The following EIF4H variants were observed in gnomAD, a reference collection of about 807,000 sequenced individuals.
EIF4H encodes Williams-Beuren syndrome chromosome region 1.
Under a neutral mutation model 30.6 loss-of-function variants are expected in EIF4H, and 8 were observed. That is an observed-to-expected ratio of 0.26 (90% CI 0.15 to 0.47). The LOEUF (loss-of-function observed/expected upper bound fraction) is 0.47. EIF4H is among the 20% of genes least tolerant of loss of function. The probability of loss-of-function intolerance (pLI) is 0.99; values close to 1 mark genes in which losing one functional copy is unlikely to be tolerated. For missense variants in EIF4H, 188 were observed against 339.5 expected (o/e 0.55, Z 3.51); for synonymous variants, 106 against 122.7 (o/e 0.86, Z 0.90).
chr7:74,178,055 C>T (rs1042451643), intron 1 of EIF4H, among the ~76,000 whole-genome samples: 5 of 152,130 alleles, frequency 3.3e-5, no homozygotes, highest in Admixed American at 1.3e-4. Flanking sequence ...ATCCTCCCAC[C>T]TCAGCCTCCC....
chr7:74,183,819 A>G (rs1027142264), intron 1 of EIF4H: 1 of 152,142 alleles, frequency 6.6e-6, no homozygotes, highest in Non-Finnish European at 1.5e-5. Flanking sequence ...GTCTCAAGTG[A>G]CTGTCACACA....
intron 1 of EIF4H, among the ~76,000 whole-genome samples, chr7:74,179,948 G>T (rs1800922046): frequency 6.6e-6 from 1 of 152,142 alleles, no homozygotes; most frequent in African/African-American, 2.4e-5. Flanking sequence ...AGGTGCTGTG[G>T]CTCATGTCTG....
Position 74,182,020 on chromosome 7 carries a change from C to G in EIF4H, c.60-5591C>G, listed in dbSNP as rs79223765. ...GTGAGCCACCACACCCGGCCTCTTACATACTTTTCATACTTGAGTATGTTT... is the reference window on the plus strand; with the variant it reads ...GTGAGCCACCACACCCGGCCTCTTAGATACTTTTCATACTTGAGTATGTTT... On this transcript the variant is annotated intron_variant, in intron 1 of 6. Transcript: ENST00000265753. Among the ~76,000 whole-genome samples, 585 of 152,254 alleles carry G rather than the reference C, an allele frequency of 3.8e-3. 2 individuals are homozygous for G. The highest frequency in any genetic ancestry group is 6.5e-3 in the Non-Finnish European group (439 of 68,014).
At chr7:74,177,058 A>G (rs1800857604) in intron 1 of EIF4H, among the ~76,000 whole-genome samples, 1 of 152,228 alleles carries the variant, frequency 6.6e-6, no homozygotes, top group Non-Finnish European at 1.5e-5. Context: ...AAATGGTGCC[A>G]TCTAAAAACT....
At chr7:74,192,609 G>C (rs1554710111) in intron 5 of EIF4H, among the ~76,000 whole-genome samples, 1 of 150,350 alleles carries the variant, frequency 6.7e-6, no homozygotes, top group African/African-American at 2.5e-5. Context: ...TGCTGCTCCT[G>C]TGTGCTACAG....
chr7:74,184,344 C>A (rs576856104), intron 1 of EIF4H, among the ~76,000 whole-genome samples: 9 of 152,132 alleles, frequency 5.9e-5, no homozygotes, highest in Non-Finnish European at 8.8e-5. Context: ...AATTAGCAAG[C>A]CTTCGCACCT....
chr7:74,195,411 T>C lies in EIF4H; in HGVS notation c.*103T>C, dbSNP rs1487704403. 8.2e-6 allele frequency: 11 copies of C among 1,343,740 alleles called. No individual in the cohort carries two copies. Among genetic ancestry groups the C allele is most frequent in the South Asian group, 1.5e-5 (1 of 68,212 alleles). The allele number at this position is 1,343,740 out of a possible 1,614,324, so 83.2% of individuals were successfully genotyped here. A position where few individuals can be genotyped will look rare whatever the true frequency, so the allele number is the denominator to read the frequency against. ...GCAGCCGCCACTCCTGCGCCTGCCA[T>C]TGGCCTCCTCACAGCGGAAACACAG... On this transcript the variant is annotated 3_prime_UTR_variant, in exon 7 of 7. Coordinates refer to ENST00000265753, the MANE Select transcript of EIF4H (RefSeq NM_022170.2).
chr7:74,179,958 G>A (rs1462913355), intron 1 of EIF4H, among the ~76,000 whole-genome samples: 4 of 152,200 alleles, frequency 2.6e-5, no homozygotes, highest in African/African-American at 9.7e-5. Flanking sequence ...GCTCATGTCT[G>A]TAATCCCAAC....
chr7:74,189,767 G>A (rs1554709632), intron 3 of EIF4H, 30 bp downstream of exon 3: 2 of 1,614,074 alleles, frequency 1.2e-6, no homozygotes, highest in African/African-American at 2.7e-5. Flanking sequence ...CTCTGTCATA[G>A]CAGTTGAGAT....
intron 1 of EIF4H, among the ~76,000 whole-genome samples, chr7:74,182,753 C>T (rs374776849): frequency 1.8e-4 from 27 of 152,336 alleles, no homozygotes; most frequent in African/African-American, 6.3e-4. Flanking sequence ...CATCCCTACC[C>T]TCATAACATC....
rs78474000 is a variant in EIF4H at position 74,191,435 on chromosome 7, G to C, written c.469+1129G>C. On this transcript the variant is annotated intron_variant, in intron 5 of 6. Coordinates refer to ENST00000265753, the MANE Select transcript of EIF4H (RefSeq NM_022170.2). Reference sequence around the variant, plus strand: ...GCTTGGCCACTGGCGCTCAAGCAGAGACACAGTGAACACGGCCATGGCCTG... The same window carrying C: ...GCTTGGCCACTGGCGCTCAAGCAGACACACAGTGAACACGGCCATGGCCTG... 6.6e-3 allele frequency: 2,435 copies of C among 370,780 alleles called. 41 individuals carry two copies. The highest frequency in any genetic ancestry group is 0.046 in the African/African-American group (2,152 of 46,806). 23.0% of individuals were successfully genotyped at this position (370,780 alleles called of 1,614,324 possible). A position where few individuals can be genotyped will look rare whatever the true frequency, so the allele number is the denominator to read the frequency against.
Position 74,189,750 on chromosome 7 carries a change from G to A in EIF4H, c.312+13G>A, listed in dbSNP as rs782640789. The A allele has an allele frequency of 5.0e-6, 8 of 1,614,068 alleles. No individual in the cohort carries two copies. The highest frequency in any genetic ancestry group is 1.1e-5 in the South Asian group (1 of 91,082). ...ATACGATGGTGCAGTAAGTATCCTCGGGTTTTCTCTGTCATAGCAGTTGAG... is the reference window on the plus strand; with the variant it reads ...ATACGATGGTGCAGTAAGTATCCTCAGGTTTTCTCTGTCATAGCAGTTGAG... On this transcript the variant is annotated intron_variant, in intron 3 of 6. Transcript: ENST00000265753.
intron 5 of EIF4H, among the ~76,000 whole-genome samples, chr7:74,194,135 G>A (rs868971785): frequency 1.3e-5 from 2 of 152,216 alleles, no homozygotes; most frequent in South Asian, 4.1e-4. Context: ...TGGGGGTGAG[G>A]CGCTGTGCTC....
Position 74,194,795 on chromosome 7 carries a change from G to A in EIF4H, c.524G>A (p.Arg175Gln). 5.0e-6 allele frequency: 8 copies of A among 1,603,234 alleles called. No homozygotes were observed. Among genetic ancestry groups the A allele is most frequent in the Non-Finnish European group, 6.8e-6 (8 of 1,170,976 alleles). Residue 175 changes from arginine (R) to glutamine (Q), a missense_variant, in exon 6 of 7, where the codon CGA (arginine) becomes CAA (glutamine). By Grantham distance (43) the Arg-to-Gln change is conservative. Coordinates refer to ENST00000265753, the MANE Select transcript of EIF4H (RefSeq NM_022170.2). The part of the protein sequence containing the change: ...GRGGSRPGDR[R>Q]TGPPMGSRFR... Reference sequence around the variant, plus strand: ...GGAGGTAGTCGCCCAGGCGACCGGCGAACAGGCCCCCCCATGGGCAGCCGC... The same window carrying A: ...GGAGGTAGTCGCCCAGGCGACCGGCAAACAGGCCCCCCCATGGGCAGCCGC...
chr7:74,176,918 T>C (rs1554707758), intron 1 of EIF4H, among the ~76,000 whole-genome samples: 1 of 152,232 alleles, frequency 6.6e-6, no homozygotes, highest in African/African-American at 2.4e-5. Flanking sequence ...TCATCTACCA[T>C]TGGCAGTAAA....
rs907265983 is a variant in EIF4H at position 74,189,149 on chromosome 7, A to G, written c.248-524A>G. On this transcript the variant is annotated intron_variant, in intron 2 of 6. Coordinates refer to ENST00000265753, the MANE Select transcript of EIF4H (RefSeq NM_022170.2). ...GGGACACAGGTTGTCAGTAACAGGTACTTGGACCCAGGCTGCCTGTCTTTT... is the reference window on the plus strand; with the variant it reads ...GGGACACAGGTTGTCAGTAACAGGTGCTTGGACCCAGGCTGCCTGTCTTTT... 6.6e-5 allele frequency among the ~76,000 whole-genome samples: 10 copies of G among 152,276 alleles called. No homozygotes were observed. In the East Asian group the frequency reaches 7.7e-4, roughly 12 times the overall value.
At chr7:74,180,696 C>T (rs574623946) in intron 1 of EIF4H, among the ~76,000 whole-genome samples, 4 of 152,204 alleles carry the variant, frequency 2.6e-5, no homozygotes, top group Non-Finnish European at 5.9e-5. Context: ...TGGCCAGGCT[C>T]TGAAACTTCA....
rs782661706 is a variant in EIF4H, at chr7:74,187,622, G to A, written c.71G>A (p.Ser24Asn). 1.2e-6 allele frequency: 2 copies of A among 1,606,238 alleles called. No homozygotes were observed. Among genetic ancestry groups the A allele is most frequent in the South Asian group, 2.2e-5 (2 of 90,464 alleles). ...GTCTCCCCTCCTAGGTCCCGCGGCA[G>A]TGCTGGTGGCCATGGTTCCCGTAGC... ...SFGGGRGSRGSAGGHGSRSQK... is the reference protein window; with the variant it reads ...SFGGGRGSRGNAGGHGSRSQK... The change falls in exon 2 of 7, where the codon AGT becomes AAT. Residue 24 changes from serine to asparagine, a missense_variant. This residue lies in a region of EIF4H where 43 missense variants were observed against 43.4 expected (regional missense o/e 0.99). Transcript: ENST00000265753.
In EIF4H at chr7:74,190,885, C is replaced by T. The variant is rs1801192038; in HGVS notation, c.469+579C>T. Among the ~76,000 whole-genome samples, 4 of 152,342 alleles carry T rather than the reference C, an allele frequency of 2.6e-5. 1 individual carries two copies. The South Asian group carries it at 8.3e-4, about 32-fold the overall frequency. ...ATTTTAAGCATTTTTATCATCTTTACTTTCTGTTTTTAAATTACAAAAGTA... is the reference window on the plus strand; with the variant it reads ...ATTTTAAGCATTTTTATCATCTTTATTTTCTGTTTTTAAATTACAAAAGTA... On this transcript the variant is annotated intron_variant, in intron 5 of 6. Transcript: ENST00000265753.
Sources: allele counts gnomAD v4.1 joint callset (sites outside exome capture counted in the v4.1 genomes callset), GRCh38; gene constraint gnomAD v4.1.1; regional missense constraint gnomAD v4.1.1; transcripts MANE v1.5; gene names NCBI Gene and HGNC (gene_info 2026-07-23, HGNC 2026-07-21).